ZNF66: variants seen among roughly 807,000 people sequenced by gnomAD.
ZNF66 encodes the protein putative zinc finger protein 66.
A neutral mutation model predicts 35.2 loss-of-function variants in ZNF66; 32 were observed. The ratio of observed to expected loss-of-function variants is 0.91; its 90% CI spans 0.69 to 1.22. ZNF66 has a LOEUF of 1.22. Ranked by LOEUF, ZNF66 falls within the 50% of genes most tolerant of loss-of-function variation. The pLI is 0.00. For synonymous variants in ZNF66, 231 were observed against 181.3 expected, an observed-to-expected ratio of 1.27 and a Z score of -2.20; for missense variants, 666 against 543.1, an observed-to-expected ratio of 1.23 and a Z score of -2.25.
chr19:20,777,704 C>T (rs984532996), intron 1 of ZNF66, among the ~76,000 whole-genome samples: 1 of 151,992 alleles, frequency 6.6e-6, no homozygotes, highest in African/African-American at 2.4e-5. Context: ...TGGCTCACTG[C>T]AACCTCCACC....
intron 3 of ZNF66, among the ~76,000 whole-genome samples, chr19:20,796,065 G>T (rs117693910): frequency 6.6e-6 from 1 of 152,116 alleles, no homozygotes; most frequent in East Asian, 1.9e-4. Context: ...TTAGTGGCGT[G>T]TATTTTGGAG....
At chr19:20,786,548 C>T (rs1234961366) in intron 1 of ZNF66, among the ~76,000 whole-genome samples, 1 of 152,146 alleles carries the variant, frequency 6.6e-6, no homozygotes, top group Non-Finnish European at 1.5e-5. Context: ...AAATCTGCAG[C>T]TTCAAATTTT....
rs544526730 is a variant in ZNF66, at chr19:20,806,235, G to A, written c.635G>A (p.Arg212Gln). The change falls in exon 4 of 4, where the codon CGG becomes CAG. Residue 212 changes from arginine (R) to glutamine (Q), a missense_variant. Coordinates refer to ENST00000344519, the MANE Select transcript of ZNF66 (RefSeq NM_001355197.2). Reference sequence around the variant, plus strand: ...ATAGAATGTGGCAAAGCCTTCAACCGGTCCTCACACCTTACTACACATAAG... The same window carrying A: ...ATAGAATGTGGCAAAGCCTTCAACCAGTCCTCACACCTTACTACACATAAG... ...KCIECGKAFN[R>Q]SSHLTTHKII... 3.0e-5 allele frequency: 42 copies of A among 1,420,936 alleles called. No homozygotes were observed. Among genetic ancestry groups the A allele is most frequent in the Admixed American group, 2.2e-4 (13 of 59,622 alleles). The allele number at this position is 1,420,936 out of a possible 1,614,324, so 88.0% of individuals were successfully genotyped here. A position where few individuals can be genotyped will look rare whatever the true frequency, so the allele number is the denominator to read the frequency against.
At chr19:20,803,968 T>C (rs909881369) in intron 3 of ZNF66, among the ~76,000 whole-genome samples, 1 of 152,142 alleles carries the variant, frequency 6.6e-6, no homozygotes, top group African/African-American at 2.4e-5. Flanking sequence ...CATGAGACTA[T>C]GCTTATAAAT....
At position 20,794,801 on chromosome 19, in the gene ZNF66, G is replaced by A. The variant is rs928105612; in HGVS notation, c.226+923G>A. ...GCTAATTTACTGAGTGTATTTATTA[G>A]TTTAGACAGGTTTTAATGTACTGTT... On this transcript the variant is annotated intron_variant, in intron 3 of 3. Coordinates refer to ENST00000344519, the MANE Select transcript of ZNF66 (RefSeq NM_001355197.2). Among the ~76,000 whole-genome samples the A allele has an allele frequency of 4.7e-5, 7 of 147,870 alleles. 1 individual carries two copies. Among genetic ancestry groups the A allele is most frequent in the Non-Finnish European group, 3.0e-5 (2 of 67,060 alleles).
At chr19:20,792,662 C>T (rs1971349657) in intron 2 of ZNF66, 24 bp downstream of exon 2, 9 of 1,168,462 alleles carry the variant, frequency 7.7e-6, no homozygotes, top group Non-Finnish European at 1.1e-5. Flanking sequence ...TAATACATAA[C>T]TCATAATATA....
At chr19:20,784,941 A>ACT (rs1971274211) in intron 1 of ZNF66, 1 of 153,218 alleles carries the variant, frequency 6.5e-6, no homozygotes, top group South Asian at 2.1e-4. Context: ...CAGAAGCCTT[A>ACT]CTAGTATCCC....
rs142052913 is a variant in ZNF66, at chr19:20,797,189, A to ATTTTTTTT, written c.226+3340_226+3347dup. The stretch of plus-strand genomic sequence containing the variant: ...ATAATGCATCAATGTTGCATGCTAG[A>ATTTTTTTT]TTTTTTTTTTTTTTTTTTTTTTTTT... On this transcript the variant is annotated intron_variant, in intron 3 of 3. Transcript: ENST00000344519. 3.8e-3 allele frequency among the ~76,000 whole-genome samples: 173 copies of ATTTTTTTT among 45,476 alleles called. 36 individuals are homozygous for ATTTTTTTT. The highest frequency in any genetic ancestry group is 5.1e-3 in the Non-Finnish European group (124 of 24,164). 29.8% of individuals were successfully genotyped at this position (45,476 alleles called of 152,430 possible). A position where few individuals can be genotyped will look rare whatever the true frequency, so the allele number is the denominator to read the frequency against.
chr19:20,787,452 C>T (rs541821888), intron 1 of ZNF66, among the ~76,000 whole-genome samples: 72 of 152,308 alleles, frequency 4.7e-4, no homozygotes, highest in Middle Eastern at 3.4e-3. Flanking sequence ...TACCTAGAAT[C>T]TGCAATTAAG....
chr19:20,780,930 A>G (rs1221090839), intron 1 of ZNF66, among the ~76,000 whole-genome samples: 4 of 151,608 alleles, frequency 2.6e-5, no homozygotes, highest in Non-Finnish European at 5.9e-5. Flanking sequence ...ACACGTCCAC[A>G]CTCCTCCCAG....
Position 20,806,404 on chromosome 19 carries a change from C to T in ZNF66, c.804C>T (p.Arg268=). 1 of 1,563,540 alleles carries T rather than the reference C, an allele frequency of 6.4e-7. No individual in the cohort carries two copies. The highest frequency in any genetic ancestry group is 8.8e-7 in the Non-Finnish European group (1 of 1,135,422). Residue 268 remains arginine (R), a synonymous_variant, in exon 4 of 4, where the codon CGC becomes CGT. Coordinates refer to ENST00000344519, the MANE Select transcript of ZNF66 (RefSeq NM_001355197.2). ...AAGAATGTGGCAAGGCCTTTAAGCG[C>T]TCCTCTATCCTTACTACACATAAGA... ...KCEECGKAFK[R]SSILTTHKRI... is the part of the protein sequence containing the mutation.
rs926066949 is a variant in ZNF66 at position 20,808,725 on chromosome 19, A to G, written c.*1403A>G. Reference sequence around the variant, plus strand: ...CACCATCATCAAAGACCAAAAGTAGATAAAACCACAAAGATGGGGAAAAAA... The same window carrying G: ...CACCATCATCAAAGACCAAAAGTAGGTAAAACCACAAAGATGGGGAAAAAA... On this transcript the variant is annotated 3_prime_UTR_variant, in exon 4 of 4. Coordinates refer to ENST00000344519, the MANE Select transcript of ZNF66 (RefSeq NM_001355197.2). 6.6e-6 allele frequency among the ~76,000 whole-genome samples: 1 copy of G among 152,130 alleles called. No homozygotes were observed. Among genetic ancestry groups the G allele is most frequent in the Admixed American group, 6.6e-5 (1 of 15,258 alleles).
At chr19:20,802,239 T>C (rs920035170) in intron 3 of ZNF66, among the ~76,000 whole-genome samples, 19 of 152,226 alleles carry the variant, frequency 1.2e-4, no homozygotes, top group Admixed American at 1.2e-3. Context: ...GGATTTGCTG[T>C]TTTTATTTCT....
chr19:20,795,449 C>A (rs1599551300), intron 3 of ZNF66, among the ~76,000 whole-genome samples: 1 of 151,220 alleles, frequency 6.6e-6, no homozygotes, highest in African/African-American at 2.4e-5. Flanking sequence ...CTCACCACAA[C>A]CTCCGCCTCT....
At chr19:20,781,476 T>C (rs67452168) in intron 1 of ZNF66, among the ~76,000 whole-genome samples, 14,079 of 152,014 alleles carry the variant, frequency 0.093, 668 homozygotes, top group Middle Eastern at 0.11. Flanking sequence ...TAAATGATAG[T>C]ACATTCATTT....
At chr19:20,777,490 G>A (rs1162127851) in intron 1 of ZNF66, among the ~76,000 whole-genome samples, 1 of 143,222 alleles carries the variant, frequency 7.0e-6, no homozygotes. Flanking sequence ...AGAAATCCGG[G>A]GACTAGAGCC....
At chr19:20,776,596 C>G (rs1599543156) in intron 1 of ZNF66, 146 bp downstream of exon 1, 1 of 1,168,652 alleles carries the variant, frequency 8.6e-7, no homozygotes, top group South Asian at 1.4e-5. Flanking sequence ...ATGGCGGCTA[C>G]GCTGACAGCC....
Position 20,804,370 on chromosome 19 carries a change from A to G in ZNF66, c.227-1457A>G, listed in dbSNP as rs893734163. ...GCAATTCTCTTGCCTCAGCCTCCTC[A>G]GTAACTGGGATTATAGGTGCTCACA... On this transcript the variant is annotated intron_variant, in intron 3 of 3. Transcript: ENST00000344519. 2.6e-5 allele frequency among the ~76,000 whole-genome samples: 4 copies of G among 151,934 alleles called. No individual in the cohort carries two copies. In the South Asian group the frequency reaches 8.3e-4, roughly 31 times the overall value.
Position 20,809,194 on chromosome 19 carries a change from C to G in ZNF66, c.*1872C>G, listed in dbSNP as rs564021260. ...ATGGGACTATGTGAAAAGACCAAAT[C>G]TACCTCTGATTGGTGTACCTGAAAG... On this transcript the variant is annotated 3_prime_UTR_variant, in exon 4 of 4. Coordinates refer to ENST00000344519, the MANE Select transcript of ZNF66 (RefSeq NM_001355197.2). Among the ~76,000 whole-genome samples the G allele has an allele frequency of 2.0e-5, 3 of 152,264 alleles. No individual in the cohort carries two copies. Among genetic ancestry groups the G allele is most frequent in the Non-Finnish European group, 2.9e-5 (2 of 68,020 alleles).
Sources: gnomAD v4.1 joint callset for allele counts (sites outside exome capture counted in the v4.1 genomes callset) on GRCh38, gnomAD v4.1.1 for gene constraint, MANE v1.5 for transcripts, NCBI Gene and HGNC (gene_info 2026-07-23, HGNC 2026-07-21) for gene names.